Variants in TAMM41 observed in about 807,000 individuals in gnomAD.
TAMM41 encodes the protein phosphatidate cytidylyltransferase, mitochondrial.
TAMM41 carries 36 observed loss-of-function variants against 44.1 expected under a neutral mutation model. The observed-to-expected ratio is 0.82, with a 90% CI of 0.63 to 1.08. The LOEUF is 1.08. Among genes scored for constraint, TAMM41 ranks in the 50% least tolerant of loss-of-function variants. The pLI is 0.00. For missense variants in TAMM41, 417 were observed against 404.3 expected (o/e 1.03, Z -0.27); for synonymous variants, 164 against 153.1 (o/e 1.07, Z -0.53).
intron 6 of TAMM41, 80 bp from the exon 7 acceptor site, chr3:11,807,975 C>A: frequency 6.9e-7 from 1 of 1,451,670 alleles, no homozygotes. Flanking sequence ...AAACTTGAAA[C>A]TAAATATTCT....
chr3:11,832,547 T>C (rs548797069), intron 3 of TAMM41, among the ~76,000 whole-genome samples: 1 of 152,264 alleles, frequency 6.6e-6, no homozygotes, highest in South Asian at 2.1e-4. Context: ...GATGACAGTA[T>C]TCCATACTGA....
intron 6 of TAMM41, 175 bp downstream of exon 6, chr3:11,809,342 A>C: frequency 3.0e-6 from 2 of 676,184 alleles, no homozygotes; most frequent in Non-Finnish European, 4.9e-6. Context: ...ATCTTACTTC[A>C]AACAAATAAA....
At chr3:11,797,737 A>T (rs1285797283) in intron 7 of TAMM41, among the ~76,000 whole-genome samples, 15 of 152,196 alleles carry the variant, frequency 9.9e-5, no homozygotes, top group Admixed American at 4.6e-4. Context: ...AATTTTGCAA[A>T]CTAGGCATCT....
chr3:11,836,192 T>C (rs528312871), intron 3 of TAMM41, among the ~76,000 whole-genome samples: 5 of 152,084 alleles, frequency 3.3e-5, no homozygotes, highest in Non-Finnish European at 5.9e-5. Context: ...GGTTTTGCCA[T>C]GTTGTCCAGG....
chr3:11,828,960 C>T (rs989179809), intron 4 of TAMM41, among the ~76,000 whole-genome samples: 5 of 151,926 alleles, frequency 3.3e-5, no homozygotes, highest in African/African-American at 7.3e-5. Context: ...TTTTAAAAAG[C>T]GGCAGAGCAC....
intron 3 of TAMM41, among the ~76,000 whole-genome samples, chr3:11,836,998 G>A (rs1284121158): frequency 6.6e-6 from 1 of 152,150 alleles, no homozygotes; most frequent in Non-Finnish European, 1.5e-5. Flanking sequence ...ACATCTTAAG[G>A]GTACAGTTTG....
At chr3:11,769,009 A>G in the TAMM41 span, among the ~76,000 whole-genome samples, 1 of 152,214 alleles carries the variant, frequency 6.6e-6, no homozygotes, top group South Asian at 2.1e-4. Flanking sequence ...GGCATGGCTG[A>G]GGATGTGAGA....
At chr3:11,781,779 A>AATCATCATC in the TAMM41 span, among the ~76,000 whole-genome samples, 4 of 40,526 alleles carry the variant, frequency 9.9e-5, no homozygotes, top group East Asian at 6.5e-3. Context: ...TAATAATAAT[A>AATCATCATC]ATCATACAAA....
the TAMM41 span, among the ~76,000 whole-genome samples, chr3:11,782,109 C>A: frequency 3.2e-3 from 480 of 152,258 alleles, 3 homozygotes; most frequent in Middle Eastern, 0.037. Flanking sequence ...GAGAGAACAA[C>A]CCACATCCTG....
intron 3 of TAMM41, among the ~76,000 whole-genome samples, chr3:11,836,757 C>T (rs1354704729): frequency 6.6e-6 from 1 of 152,202 alleles, no homozygotes; most frequent in African/African-American, 2.4e-5. Context: ...AGCCACAGTG[C>T]CTGGCCCATC....
chr3:11,732,610 A>G, the TAMM41 span, among the ~76,000 whole-genome samples: 1 of 152,254 alleles, frequency 6.6e-6, no homozygotes, highest in Non-Finnish European at 1.5e-5. Flanking sequence ...AAACAGAGCA[A>G]TGAAATACAG....
intron 2 of TAMM41, among the ~76,000 whole-genome samples, chr3:11,839,794 G>A (rs1385417597): frequency 6.6e-6 from 1 of 152,152 alleles, no homozygotes; most frequent in African/African-American, 2.4e-5. Flanking sequence ...TTATGGGAAG[G>A]GCCTGAATTC....
intron 7 of TAMM41, among the ~76,000 whole-genome samples, chr3:11,793,709 C>T (rs954543915): frequency 6.6e-6 from 1 of 152,124 alleles, no homozygotes; most frequent in African/African-American, 2.4e-5. Context: ...TATAAATGAA[C>T]AGGGAAAGGC....
chr3:11,785,829 G>A (rs1379364558), downstream of TAMM41, among the ~76,000 whole-genome samples: 3 of 151,594 alleles, frequency 2.0e-5, no homozygotes, highest in African/African-American at 7.3e-5. Context: ...ATGTTGTCCA[G>A]GCGGGCCTCA....
In TAMM41 at chr3:11,846,595, G is replaced by T. The variant is rs1254612403; in HGVS notation, c.42C>A (p.Arg14=). Residue 14 remains arginine (R), a synonymous_variant, in exon 1 of 8, where the codon CGC becomes CGA. Coordinates refer to ENST00000455809, the MANE Select transcript of TAMM41 (RefSeq NM_001284401.2). ...CCTCGGGGAAGTGAGACAGGATCTT[G>T]CGGAAGGTCACCCACGAGCTCTGCA... ...QTLQSSWVTF[R]KILSHFPEEL... is the part of the protein sequence containing the mutation. The T allele has an allele frequency of 3.1e-6, 5 of 1,614,248 alleles. No individual in the cohort carries two copies. In the South Asian group the frequency reaches 5.5e-5, roughly 18 times the overall value.
Position 11,833,549 on chromosome 3 carries a change from T to C in TAMM41, c.412-3685A>G, listed in dbSNP as rs199688109. 6.6e-5 allele frequency among the ~76,000 whole-genome samples: 10 copies of C among 152,192 alleles called. 1 individual carries two copies. In the East Asian group the frequency reaches 1.9e-3, roughly 29 times the overall value. On this transcript the variant is annotated intron_variant, in intron 3 of 7. Transcript: ENST00000455809. Reference sequence around the variant, plus strand: ...AGGATGAAGAAGAAACGCTGAACATTAGAGCTGGATGAAACCTTACTCAAT... The same window carrying C: ...AGGATGAAGAAGAAACGCTGAACATCAGAGCTGGATGAAACCTTACTCAAT...
the TAMM41 span, among the ~76,000 whole-genome samples, chr3:11,750,888 T>TC: frequency 6.6e-6 from 1 of 152,084 alleles, no homozygotes; most frequent in African/African-American, 2.4e-5. Context: ...CTCGCTCCTG[T>TC]CCCCAGGCCT....
At chr3:11,837,640 G>A (rs1018822025) in intron 3 of TAMM41, among the ~76,000 whole-genome samples, 1 of 152,120 alleles carries the variant, frequency 6.6e-6, no homozygotes, top group African/African-American at 2.4e-5. Flanking sequence ...CCAGTCCCTT[G>A]GAATGACTAC....
At chr3:11,738,580 A>C in the TAMM41 span, among the ~76,000 whole-genome samples, 1 of 152,112 alleles carries the variant, frequency 6.6e-6, no homozygotes, top group Non-Finnish European at 1.5e-5. Context: ...CCGACCTTTT[A>C]GGGCTGTGCT....
Sources: gnomAD v4.1 joint callset for allele counts (sites outside exome capture counted in the v4.1 genomes callset) on GRCh38, gnomAD v4.1.1 for gene constraint, MANE v1.5 for transcripts, NCBI Gene and HGNC (gene_info 2026-07-23, HGNC 2026-07-21) for gene names.